The following DGAT2 variants were observed in gnomAD, a reference collection of about 807,000 sequenced individuals.
DGAT2 encodes the protein acyl-CoA retinol O-fatty-acyltransferase.
Under a neutral mutation model 48.4 loss-of-function variants are expected in DGAT2, and 33 were observed. That is an observed-to-expected ratio of 0.68 (90% CI 0.52 to 0.91). DGAT2 has a LOEUF of 0.91. DGAT2 is among the 40% of genes least tolerant of loss of function. DGAT2 has a pLI of 0.00. For missense variants in DGAT2, 446 were observed against 493.7 expected (o/e 0.90, Z 0.92); for synonymous variants, 191 against 194.1 (o/e 0.98, Z 0.13).
At position 75,801,145 on chromosome 11, in the gene DGAT2, A is replaced by G. The variant is rs925245898; in HGVS notation, c.*637A>G. ...CCTGCAGGGGAAAGGACTGCCCCCCATGCACCATTGCAGGGAGGATGCCGC... is the reference window on the plus strand; with the variant it reads ...CCTGCAGGGGAAAGGACTGCCCCCCGTGCACCATTGCAGGGAGGATGCCGC... On this transcript the variant is annotated 3_prime_UTR_variant, in exon 8 of 8. Coordinates refer to ENST00000228027, the MANE Select transcript of DGAT2 (RefSeq NM_032564.5). 2 of 153,348 alleles carry G rather than the reference A, an allele frequency of 1.3e-5. No homozygotes were observed. The highest frequency in any genetic ancestry group is 4.8e-5 in the African/African-American group (2 of 41,442). The allele number at this position is 153,348 out of a possible 1,614,324, so 9.5% of individuals were successfully genotyped here. A position where few individuals can be genotyped will look rare whatever the true frequency, so the allele number is the denominator to read the frequency against.
intron 1 of DGAT2, among the ~76,000 whole-genome samples, chr11:75,778,412 T>C (rs537119523): frequency 3.2e-4 from 48 of 152,326 alleles, no homozygotes; most frequent in African/African-American, 1.0e-3. Flanking sequence ...CCTGTGGCCA[T>C]GAGCCTCTGG....
intron 1 of DGAT2, among the ~76,000 whole-genome samples, chr11:75,774,398 A>G (rs1944786386): frequency 6.6e-6 from 1 of 152,248 alleles, no homozygotes; most frequent in Non-Finnish European, 1.5e-5. Context: ...CAGACAGGCT[A>G]CACCCTGTGA....
At chr11:75,791,334 G>A (rs1244861530) in intron 4 of DGAT2, among the ~76,000 whole-genome samples, 2 of 152,196 alleles carry the variant, frequency 1.3e-5, no homozygotes, top group African/African-American at 2.4e-5. Flanking sequence ...GGTATTTTGG[G>A]GGTGGCAGGG....
chr11:75,776,155 G>C (rs1944801654), intron 1 of DGAT2: 1 of 152,204 alleles, frequency 6.6e-6, no homozygotes, highest in South Asian at 2.1e-4. Context: ...TCCCCAGAAA[G>C]CTCTGCTTGA....
intron 5 of DGAT2, chr11:75,796,771 G>A: frequency 5.4e-6 from 3 of 554,900 alleles, no homozygotes; most frequent in Non-Finnish European, 9.6e-6. Context: ...CCCTTTTCTG[G>A]GGACCCCCAG....
At chr11:75,778,833 C>CAA (rs746636359) in intron 1 of DGAT2, among the ~76,000 whole-genome samples, 10,400 of 68,126 alleles carry the variant, frequency 0.15, 542 homozygotes, top group East Asian at 0.24. Flanking sequence ...GACTCCGTCT[C>CAA]AAAAAAAAAA....
chr11:75,786,861 T>C (rs1944927985), intron 2 of DGAT2, among the ~76,000 whole-genome samples: 1 of 152,260 alleles, frequency 6.6e-6, no homozygotes, highest in African/African-American at 2.4e-5. Context: ...ATGAGGCCTA[T>C]GCCCTTTCTC....
chr11:75,769,139 G>A (rs1404646393), intron 1 of DGAT2, 27 bp downstream of exon 1: 1 of 1,528,464 alleles, frequency 6.5e-7, no homozygotes. Flanking sequence ...AGGGGTTATG[G>A]ACCTGCGAGA....
chr11:75,772,720 G>A (rs1405084208), intron 1 of DGAT2, among the ~76,000 whole-genome samples: 1 of 152,204 alleles, frequency 6.6e-6, no homozygotes, highest in Non-Finnish European at 1.5e-5. Flanking sequence ...GCGTGCCATG[G>A]CTTTCGCCTG....
At chr11:75,774,359 A>G (rs1944786172) in intron 1 of DGAT2, among the ~76,000 whole-genome samples, 1 of 152,250 alleles carries the variant, frequency 6.6e-6, no homozygotes, top group Non-Finnish European at 1.5e-5. Flanking sequence ...AAAGTGTCAT[A>G]AGAACCTGTG....
intron 2 of DGAT2, among the ~76,000 whole-genome samples, chr11:75,788,483 G>C (rs1944947045): frequency 6.6e-6 from 1 of 152,160 alleles, no homozygotes; most frequent in African/African-American, 2.4e-5. Context: ...CTCCCAACAA[G>C]AGAGTTGTAC....
chr11:75,779,506 A>C (rs1243679563), intron 1 of DGAT2, among the ~76,000 whole-genome samples: 1 of 152,012 alleles, frequency 6.6e-6, no homozygotes, highest in African/African-American at 2.4e-5. Context: ...CCCCTTGCCT[A>C]CCTTCCCAGA....
intron 1 of DGAT2, among the ~76,000 whole-genome samples, chr11:75,781,773 C>T (rs1944866723): frequency 6.6e-6 from 1 of 152,194 alleles, no homozygotes; most frequent in African/African-American, 2.4e-5. Context: ...ACCCACCTTG[C>T]TGCGGGACTT....
intron 1 of DGAT2, chr11:75,776,329 T>A (rs1358017973): frequency 4.6e-5 from 7 of 152,262 alleles, no homozygotes; most frequent in Non-Finnish European, 1.0e-4. Flanking sequence ...AGGGCCCAGA[T>A]GAATGAGACA....
intron 2 of DGAT2, among the ~76,000 whole-genome samples, chr11:75,787,042 T>C (rs1337906899): frequency 6.6e-6 from 1 of 152,196 alleles, no homozygotes; most frequent in Non-Finnish European, 1.5e-5. Flanking sequence ...ACTATAGTTC[T>C]TAAGTAGTGA....
intron 1 of DGAT2, among the ~76,000 whole-genome samples, chr11:75,773,570 T>C (rs1248377733): frequency 1.3e-5 from 2 of 152,240 alleles, no homozygotes; most frequent in East Asian, 3.8e-4. Context: ...ATGTTAGTCC[T>C]TGTCATTTGT....
chr11:75,782,206 C>A (rs1350734315), intron 1 of DGAT2, among the ~76,000 whole-genome samples: 1 of 152,130 alleles, frequency 6.6e-6, no homozygotes, highest in African/African-American at 2.4e-5. Context: ...TCACCCCAGC[C>A]CCTACCTGAG....
chr11:75,782,029 A>G (rs996518595), intron 1 of DGAT2, among the ~76,000 whole-genome samples: 1 of 152,136 alleles, frequency 6.6e-6, no homozygotes, highest in Admixed American at 6.5e-5. Context: ...CCTGGCGTCA[A>G]GGTAGGGAGC....
chr11:75,774,644 G>T (rs73504557), intron 1 of DGAT2, among the ~76,000 whole-genome samples: 1 of 152,278 alleles, frequency 6.6e-6, no homozygotes, highest in African/African-American at 2.4e-5. Context: ...ACTGCTGTGG[G>T]ACTCTTGAGG....
Sources: allele counts gnomAD v4.1 joint callset (sites outside exome capture counted in the v4.1 genomes callset), GRCh38; gene constraint gnomAD v4.1.1; transcripts MANE v1.5; gene names NCBI Gene and HGNC (gene_info 2026-07-23, HGNC 2026-07-21).